Variants in AFG2A observed in about 807,000 individuals in gnomAD.
AFG2A encodes the protein ATPase family gene 2 protein homolog A.
At chr4:123,136,305 AG>A in the AFG2A span, among the ~76,000 whole-genome samples, 1 of 151,400 alleles carries the variant, frequency 6.6e-6, no homozygotes, top group East Asian at 1.9e-4. Flanking sequence ...AGGCTGAGGC[AG>A]GCAGATCACC....
At chr4:122,934,147 C>T in the AFG2A span, 15 of 1,613,662 alleles carry the variant, frequency 9.3e-6, no homozygotes, top group Admixed American at 1.7e-5. Flanking sequence ...ATTCTATGGA[C>T]GACCGTACAA....
chr4:123,171,736 T>G, the AFG2A span, among the ~76,000 whole-genome samples: 1 of 152,152 alleles, frequency 6.6e-6, no homozygotes, highest in Admixed American at 6.5e-5. Flanking sequence ...AAATTGAATT[T>G]AAAAATAGGG....
At chr4:122,983,957 C>T in the AFG2A span, among the ~76,000 whole-genome samples, 1 of 152,134 alleles carries the variant, frequency 6.6e-6, no homozygotes, top group Non-Finnish European at 1.5e-5. Flanking sequence ...AACGGAATAT[C>T]CCATGGGACA....
chr4:123,035,726 T>G, the AFG2A span, among the ~76,000 whole-genome samples: 4 of 151,770 alleles, frequency 2.6e-5, no homozygotes, highest in African/African-American at 9.7e-5. Context: ...AGCTGATATA[T>G]AAAAAAAAGT....
At chr4:123,045,335 C>G in the AFG2A span, among the ~76,000 whole-genome samples, 1 of 152,124 alleles carries the variant, frequency 6.6e-6, no homozygotes. Flanking sequence ...AATTCTCTTA[C>G]ATAACCACAG....
chr4:123,245,985 A>G, the AFG2A span, among the ~76,000 whole-genome samples: 6 of 152,158 alleles, frequency 3.9e-5, no homozygotes, highest in African/African-American at 1.4e-4. Flanking sequence ...TTTCAGCTTT[A>G]TGGGGAAGTG....
chr4:123,283,808 G>T, the AFG2A span, among the ~76,000 whole-genome samples: 1 of 152,122 alleles, frequency 6.6e-6, no homozygotes, highest in Admixed American at 6.6e-5. Flanking sequence ...CACACTGCAA[G>T]GGCAGATTTG....
At chr4:123,271,373 A>G in the AFG2A span, among the ~76,000 whole-genome samples, 16 of 152,216 alleles carry the variant, frequency 1.1e-4, no homozygotes, top group African/African-American at 3.9e-4. Context: ...TTGTGAAAAC[A>G]GTATCAATCT....
the AFG2A span, among the ~76,000 whole-genome samples, chr4:123,070,803 G>A: frequency 3.9e-5 from 6 of 152,176 alleles, no homozygotes; most frequent in South Asian, 8.3e-4. Flanking sequence ...AAAAGTTGCC[G>A]TTTGAACCCA....
chr4:123,182,916 A>G, the AFG2A span, among the ~76,000 whole-genome samples: 1 of 152,166 alleles, frequency 6.6e-6, no homozygotes, highest in African/African-American at 2.4e-5. Flanking sequence ...TTTCAGTTTT[A>G]TTTGGTTTTG....
At chr4:123,279,487 T>C in the AFG2A span, among the ~76,000 whole-genome samples, 1 of 152,110 alleles carries the variant, frequency 6.6e-6, no homozygotes, top group Non-Finnish European at 1.5e-5. Context: ...AGCAAAGAGA[T>C]AAATAACTCA....
At chr4:123,235,442 T>G in the AFG2A span, among the ~76,000 whole-genome samples, 17 of 152,172 alleles carry the variant, frequency 1.1e-4, no homozygotes, top group Non-Finnish European at 1.9e-4. Flanking sequence ...AAAGGTGGTG[T>G]TAACTTGACC....
the AFG2A span, among the ~76,000 whole-genome samples, chr4:122,953,932 T>A: frequency 0.012 from 1,894 of 152,296 alleles, 40 homozygotes; most frequent in African/African-American, 0.043. Context: ...ACCATACCAT[T>A]GGTTGAGTGC....
chr4:123,118,330 A>ATTATATTATATAT, the AFG2A span, among the ~76,000 whole-genome samples: 2 of 58,214 alleles, frequency 3.4e-5, no homozygotes, highest in Non-Finnish European at 8.4e-5. Flanking sequence ...ATTATATATA[A>ATTATATTATATAT]TATATATATT....
chr4:123,121,350 C>T, the AFG2A span, among the ~76,000 whole-genome samples: 4 of 151,656 alleles, frequency 2.6e-5, no homozygotes, highest in South Asian at 2.1e-4. Flanking sequence ...CTTATTGTAC[C>T]GTGTTTATTA....
At chr4:123,174,276 A>G in the AFG2A span, among the ~76,000 whole-genome samples, 7 of 152,360 alleles carry the variant, frequency 4.6e-5, no homozygotes, top group African/African-American at 1.4e-4. Context: ...AAAAAATTAT[A>G]ATAGCTTTAT....
the AFG2A span, among the ~76,000 whole-genome samples, chr4:123,229,088 C>A: frequency 2.5e-4 from 38 of 151,774 alleles, no homozygotes; most frequent in Non-Finnish European, 4.9e-4. Flanking sequence ...TTAAAAAAAA[C>A]CAGCACAATT....
the AFG2A span, among the ~76,000 whole-genome samples, chr4:123,007,635 C>A: frequency 4.3e-5 from 1 of 23,394 alleles, no homozygotes; most frequent in Non-Finnish European, 1.1e-4. Flanking sequence ...TATATACACA[C>A]ACACACAACA....
the AFG2A span, among the ~76,000 whole-genome samples, chr4:123,201,791 A>C: frequency 2.0e-5 from 3 of 152,112 alleles, no homozygotes; most frequent in Admixed American, 6.6e-5. Flanking sequence ...GCATGGTGGC[A>C]TATGCCTGTA....
Sources: allele counts gnomAD v4.1 joint callset (sites outside exome capture counted in the v4.1 genomes callset), GRCh38; gene constraint gnomAD v4.1.1; transcripts MANE v1.5; gene names NCBI Gene and HGNC (gene_info 2026-07-23, HGNC 2026-07-21).